Variants in CRTC3 observed in about 807,000 individuals in gnomAD.
CRTC3 encodes CREB regulated transcription coactivator 3.
Under a neutral mutation model 74.5 loss-of-function variants are expected in CRTC3, and 26 were observed. That is an observed-to-expected ratio of 0.35 (90% CI 0.26 to 0.48). The LOEUF (loss-of-function observed/expected upper bound fraction) is 0.48. Ranked by LOEUF, CRTC3 falls within the 20% of genes least tolerant of loss-of-function variation. The pLI is 0.99. For missense variants in CRTC3, 760 were observed against 787.3 expected (o/e 0.97, Z 0.41); for synonymous variants, 377 against 325.8 (o/e 1.16, Z -1.69).
At chr15:90,558,564 C>T (rs1966943939) in intron 2 of CRTC3, among the ~76,000 whole-genome samples, 1 of 152,080 alleles carries the variant, frequency 6.6e-6, no homozygotes, top group Admixed American at 6.6e-5. Flanking sequence ...GATTTCTCTA[C>T]CAGGAATGCT....
intron 2 of CRTC3, among the ~76,000 whole-genome samples, chr15:90,556,064 C>G (rs1403379646): frequency 1.3e-5 from 2 of 151,670 alleles, no homozygotes; most frequent in African/African-American, 4.8e-5. Context: ...TGATATCAGT[C>G]TTCATATTTA....
At chr15:90,624,529 C>T (rs1026254011) in intron 9 of CRTC3, among the ~76,000 whole-genome samples, 1 of 152,156 alleles carries the variant, frequency 6.6e-6, no homozygotes, top group Admixed American at 6.5e-5. Flanking sequence ...TGCCCAGCTA[C>T]TCTTAATTCC....
intron 2 of CRTC3, among the ~76,000 whole-genome samples, chr15:90,557,281 T>C (rs888079399): frequency 6.6e-6 from 1 of 152,110 alleles, no homozygotes; most frequent in Non-Finnish European, 1.5e-5. Flanking sequence ...CAGCACCCCC[T>C]CACAGTCTAG....
intron 2 of CRTC3, among the ~76,000 whole-genome samples, chr15:90,579,634 CTTTTTTTTT>C (rs146273285): frequency 3.6e-5 from 3 of 84,198 alleles, no homozygotes; most frequent in African/African-American, 1.4e-4. Flanking sequence ...ACGTATTTCA[CTTTTTTTTT>C]TTTTTTTTTT....
intron 3 of CRTC3, chr15:90,595,713 C>A (rs527936867): frequency 6.6e-6 from 1 of 152,094 alleles, no homozygotes. Context: ...TTTTGAAGTA[C>A]GGTCTAAATG....
rs1277381537 is a variant in CRTC3, at chr15:90,555,503, T to C, written c.231+15366T>C. Among the ~76,000 whole-genome samples the C allele has an allele frequency of 3.9e-5, 6 of 152,230 alleles. No homozygotes were observed. The East Asian group carries it at 1.2e-3, about 29-fold the overall frequency. On this transcript the variant is annotated intron_variant, in intron 2 of 14. Transcript: ENST00000268184. ...AAAGACGTTAACTCTAGTGTTCTTT[T>C]TCTTTTTTCTTTTTCTTTTATTTTT...
At chr15:90,595,019 T>G (rs576152693) in intron 3 of CRTC3, 1 of 152,304 alleles carries the variant, frequency 6.6e-6, no homozygotes, top group Non-Finnish European at 1.5e-5. Context: ...CACACCACAT[T>G]TGGTCCACAG....
At chr15:90,566,937 C>T (rs1967136731) in intron 2 of CRTC3, among the ~76,000 whole-genome samples, 1 of 152,068 alleles carries the variant, frequency 6.6e-6, no homozygotes, top group Non-Finnish European at 1.5e-5. Flanking sequence ...TCTCGAACTC[C>T]TGACCTCAGG....
intron 2 of CRTC3, among the ~76,000 whole-genome samples, chr15:90,582,981 G>A (rs528145789): frequency 3.9e-5 from 6 of 152,124 alleles, no homozygotes; most frequent in East Asian, 1.9e-4. Flanking sequence ...AACTCTGGGC[G>A]TGTTTTATGC....
At position 90,572,677 on chromosome 15, in the gene CRTC3, G is replaced by A. The variant is rs1294494443; in HGVS notation, c.232-20959G>A. Among the ~76,000 whole-genome samples the A allele has an allele frequency of 2.6e-5, 4 of 152,258 alleles. No individual in the cohort carries two copies. The South Asian group carries it at 6.2e-4, about 24-fold the overall frequency. On this transcript the variant is annotated intron_variant, in intron 2 of 14. Coordinates refer to ENST00000268184, the MANE Select transcript of CRTC3 (RefSeq NM_022769.5). ...TGTAACTTCCACCTCCCGGGTTCAA[G>A]CAGTTCTCCTGCCTCAGCCTCCTGA... is the stretch of plus-strand genomic sequence containing the variant.
At chr15:90,556,645 A>G (rs1191163848) in intron 2 of CRTC3, among the ~76,000 whole-genome samples, 1 of 152,170 alleles carries the variant, frequency 6.6e-6, no homozygotes, top group Non-Finnish European at 1.5e-5. Flanking sequence ...AATACGTCTT[A>G]TATATTGACT....
At chr15:90,538,762 C>T (rs951760771) in intron 1 of CRTC3, among the ~76,000 whole-genome samples, 6 of 131,734 alleles carry the variant, frequency 4.6e-5, no homozygotes, top group African/African-American at 1.5e-4. Context: ...TTTTGGTAAA[C>T]CAAACTTCAC....
intron 2 of CRTC3, among the ~76,000 whole-genome samples, chr15:90,546,399 CTATCATTT>C (rs1596073895): frequency 3.3e-5 from 5 of 152,094 alleles, no homozygotes; most frequent in African/African-American, 1.2e-4. Flanking sequence ...GTTTCTTTGT[CTATCATTT>C]TGCTAATACC....
At chr15:90,641,522 C>T (rs1724193915) in intron 14 of CRTC3, among the ~76,000 whole-genome samples, 1 of 151,984 alleles carries the variant, frequency 6.6e-6, no homozygotes, top group Non-Finnish European at 1.5e-5. Context: ...ACAGCGAAAC[C>T]CCGTCTCTAC....
intron 2 of CRTC3, among the ~76,000 whole-genome samples, chr15:90,592,544 G>A (rs1967824415): frequency 6.6e-6 from 1 of 152,188 alleles, no homozygotes; most frequent in African/African-American, 2.4e-5. Flanking sequence ...TCTCAAAAAT[G>A]TTAAGAACGT....
intron 2 of CRTC3, among the ~76,000 whole-genome samples, chr15:90,584,128 G>T (rs970329970): frequency 5.9e-5 from 9 of 151,938 alleles, no homozygotes; most frequent in Non-Finnish European, 8.8e-5. Context: ...AAAGAGGGGG[G>T]CTATAACATC....
chr15:90,589,117 C>T (rs771833078), intron 2 of CRTC3, among the ~76,000 whole-genome samples: 1 of 151,880 alleles, frequency 6.6e-6, no homozygotes, highest in Non-Finnish European at 1.5e-5. Context: ...AGTGCAGTGG[C>T]GCGATCTCAG....
intron 10 of CRTC3, among the ~76,000 whole-genome samples, chr15:90,628,000 G>A (rs966070729): frequency 4.7e-5 from 7 of 150,356 alleles, no homozygotes; most frequent in African/African-American, 1.7e-4. Context: ...AGTGGATCAC[G>A]AGGTCAGGAG....
chr15:90,583,945 TAACCCCAAGGCAGTGTGAATTAATAGC>T (rs1416457481), intron 2 of CRTC3, among the ~76,000 whole-genome samples: 1 of 152,180 alleles, frequency 6.6e-6, no homozygotes, highest in Non-Finnish European at 1.5e-5. Flanking sequence ...ATGATCCATT[TAACCCCAAGGCAGTGTGAATTAATAGC>T]AGCCCCTTTG....
Sources: allele counts gnomAD v4.1 joint callset (sites outside exome capture counted in the v4.1 genomes callset), GRCh38; gene constraint gnomAD v4.1.1; transcripts MANE v1.5; gene names NCBI Gene and HGNC (gene_info 2026-07-23, HGNC 2026-07-21).